The following KCNAB1 variants were observed in gnomAD, a reference collection of about 807,000 sequenced individuals.
The protein encoded by KCNAB1 is potassium voltage-gated channel subfamily A regulatory beta subunit 1, also known as voltage-gated potassium channel subunit beta-1.
A neutral mutation model predicts 64.6 loss-of-function variants in KCNAB1; 35 were observed. The observed-to-expected ratio is 0.54, with a 90% CI of 0.41 to 0.72. KCNAB1 has a LOEUF of 0.72. Among genes scored for constraint, KCNAB1 ranks in the 30% least tolerant of loss-of-function variants. KCNAB1 has a pLI of 0.00. For synonymous variants in KCNAB1, 177 were observed against 183.8 expected (o/e 0.96, Z 0.30); for missense variants, 401 against 512.9 (o/e 0.78, Z 2.11).
chr3:156,317,713 A>G (rs1722372722), intron 1 of KCNAB1, among the ~76,000 whole-genome samples: 1 of 152,202 alleles, frequency 6.6e-6, no homozygotes. Flanking sequence ...ATGATTTACA[A>G]TAGCCTTGCA....
intron 2 of KCNAB1, among the ~76,000 whole-genome samples, chr3:156,435,052 T>C (rs1559883036): frequency 6.6e-6 from 1 of 152,158 alleles, no homozygotes; most frequent in Non-Finnish European, 1.5e-5. Flanking sequence ...GAAGCTGGAA[T>C]TCCCCTGGGA....
At chr3:156,381,791 G>C (rs1712176210) in intron 1 of KCNAB1, among the ~76,000 whole-genome samples, 1 of 152,134 alleles carries the variant, frequency 6.6e-6, no homozygotes, top group Admixed American at 6.5e-5. Flanking sequence ...GTGGCCCCTG[G>C]AAAAGATGAG....
chr3:156,185,644 T>C (rs756244263), intron 1 of KCNAB1, among the ~76,000 whole-genome samples: 7 of 152,150 alleles, frequency 4.6e-5, no homozygotes, highest in Non-Finnish European at 1.0e-4. Flanking sequence ...GGGCAGTTAA[T>C]TGGGTAGAGA....
chr3:156,464,738 T>A (rs1201251043), intron 6 of KCNAB1, among the ~76,000 whole-genome samples: 1 of 152,166 alleles, frequency 6.6e-6, no homozygotes, highest in African/African-American at 2.4e-5. Flanking sequence ...AATTTTTTAT[T>A]CCTGTAGTAA....
intron 1 of KCNAB1, among the ~76,000 whole-genome samples, chr3:156,332,599 A>G (rs1723418736): frequency 6.6e-6 from 1 of 152,154 alleles, no homozygotes; most frequent in Non-Finnish European, 1.5e-5. Flanking sequence ...TCCAACTGCC[A>G]AACGGGACCA....
At chr3:156,321,557 C>T (rs1722663851) in intron 1 of KCNAB1, among the ~76,000 whole-genome samples, 1 of 152,210 alleles carries the variant, frequency 6.6e-6, no homozygotes, top group Non-Finnish European at 1.5e-5. Context: ...TATCCTTTTT[C>T]CCTTATGCTT....
At position 156,349,965 on chromosome 3, in the gene KCNAB1, A is replaced by G. The variant is rs1017715696; in HGVS notation, c.276-71651A>G. ...AATGTTTAGCCTATTGGTGTTCTCT[A>G]ATCTGGATTTTCTTCTTAACCTAGG... On this transcript the variant is annotated intron_variant, in intron 1 of 13. Coordinates refer to ENST00000490337, the MANE Select transcript of KCNAB1 (RefSeq NM_172160.3). 9.2e-5 allele frequency among the ~76,000 whole-genome samples: 14 copies of G among 152,178 alleles called. No individual in the cohort carries two copies. In the East Asian group the frequency reaches 1.9e-3, roughly 21 times the overall value.
intron 1 of KCNAB1, among the ~76,000 whole-genome samples, chr3:156,286,411 G>C (rs563838112): frequency 1.3e-5 from 2 of 152,248 alleles, no homozygotes; most frequent in South Asian, 4.2e-4. Context: ...ATTCTTTTCT[G>C]TTTTGGATAA....
intron 1 of KCNAB1, among the ~76,000 whole-genome samples, chr3:156,200,774 G>C (rs1714279974): frequency 6.6e-6 from 1 of 152,216 alleles, no homozygotes; most frequent in South Asian, 2.1e-4. Flanking sequence ...CGCTGAATGA[G>C]ACCACTTGGC....
chr3:156,340,249 A>G (rs1424886386), intron 1 of KCNAB1, among the ~76,000 whole-genome samples: 1 of 152,202 alleles, frequency 6.6e-6, no homozygotes, highest in African/African-American at 2.4e-5. Context: ...CCCAATGGAA[A>G]ATGACTTCTA....
intron 1 of KCNAB1, among the ~76,000 whole-genome samples, chr3:156,214,156 T>C (rs1576611478): frequency 6.6e-6 from 1 of 152,208 alleles, no homozygotes; most frequent in Non-Finnish European, 1.5e-5. Context: ...TTTATTTGTA[T>C]CCTTTAATAA....
At chr3:156,518,480 G>GAAA (rs199523079) in intron 11 of KCNAB1, among the ~76,000 whole-genome samples, 1 of 136,970 alleles carries the variant, frequency 7.3e-6, no homozygotes, top group Non-Finnish European at 1.6e-5. Flanking sequence ...GAAAAGAAAA[G>GAAA]AAAGAAGGAA....
chr3:156,361,160 T>A (rs998318944), intron 1 of KCNAB1, among the ~76,000 whole-genome samples: 10 of 152,248 alleles, frequency 6.6e-5, no homozygotes, highest in Admixed American at 2.0e-4. Context: ...ATTCTTCTCA[T>A]CTCAGCTTAC....
At chr3:156,428,382 G>A (rs1474977479) in intron 2 of KCNAB1, among the ~76,000 whole-genome samples, 2 of 152,050 alleles carry the variant, frequency 1.3e-5, no homozygotes, top group Non-Finnish European at 2.9e-5. Flanking sequence ...AGCTTTCGGA[G>A]TAGAACTATA....
chr3:156,121,653 T>C (rs1713353503), intron 1 of KCNAB1, among the ~76,000 whole-genome samples: 1 of 152,222 alleles, frequency 6.6e-6, no homozygotes, highest in Non-Finnish European at 1.5e-5. Flanking sequence ...GAATTAAAGA[T>C]AATTTTGGAA....
chr3:156,257,514 T>C (rs1333440766), intron 1 of KCNAB1, among the ~76,000 whole-genome samples: 1 of 152,200 alleles, frequency 6.6e-6, no homozygotes, highest in Non-Finnish European at 1.5e-5. Flanking sequence ...TCCAGAGCCC[T>C]ACTCTGAGGA....
chr3:156,426,709 T>C (rs551537420), intron 2 of KCNAB1, among the ~76,000 whole-genome samples: 2 of 152,352 alleles, frequency 1.3e-5, no homozygotes, highest in South Asian at 2.1e-4. Context: ...CAGAATGTCA[T>C]ATAGTTGAAT....
At chr3:156,350,762 G>A (rs1724805111) in intron 1 of KCNAB1, among the ~76,000 whole-genome samples, 1 of 152,204 alleles carries the variant, frequency 6.6e-6, no homozygotes, top group African/African-American at 2.4e-5. Context: ...AAAATTTTCA[G>A]GAAAGCATTG....
At chr3:156,121,729 G>T (rs766748926) in intron 1 of KCNAB1, among the ~76,000 whole-genome samples, 2 of 152,168 alleles carry the variant, frequency 1.3e-5, no homozygotes, top group Non-Finnish European at 2.9e-5. Context: ...AAATTCCTTT[G>T]AGATGAAAAA....
Sources: allele counts gnomAD v4.1 joint callset (sites outside exome capture counted in the v4.1 genomes callset), GRCh38; gene constraint gnomAD v4.1.1; transcripts MANE v1.5; gene names NCBI Gene and HGNC (gene_info 2026-07-23, HGNC 2026-07-21).